Variants in QTMAN observed in about 807,000 individuals in gnomAD.
QTMAN encodes the protein tRNA-queuosine alpha-mannosyltransferase.
the QTMAN span, among the ~76,000 whole-genome samples, chr2:143,999,305 G>A: frequency 6.6e-6 from 1 of 151,900 alleles, no homozygotes; most frequent in African/African-American, 2.4e-5. Context: ...TTAAATCAGG[G>A]AAGATGTCTG....
the QTMAN span, among the ~76,000 whole-genome samples, chr2:144,259,495 C>A: frequency 6.6e-6 from 1 of 152,126 alleles, no homozygotes; most frequent in African/African-American, 2.4e-5. Context: ...GGATTTATTA[C>A]TTCCATGGCA....
the QTMAN span, among the ~76,000 whole-genome samples, chr2:143,987,521 T>G: frequency 6.6e-6 from 1 of 152,220 alleles, no homozygotes; most frequent in African/African-American, 2.4e-5. Flanking sequence ...TCTTCTGGGT[T>G]TTCACTTATT....
the QTMAN span, among the ~76,000 whole-genome samples, chr2:144,324,801 C>G: frequency 6.6e-6 from 1 of 151,220 alleles, no homozygotes; most frequent in African/African-American, 2.4e-5. Context: ...AGTAAATTCA[C>G]TTATAAGGTG....
At chr2:143,975,180 T>G in the QTMAN span, among the ~76,000 whole-genome samples, 2 of 152,348 alleles carry the variant, frequency 1.3e-5, no homozygotes, top group Non-Finnish European at 2.9e-5. Context: ...TATTCCTATA[T>G]CTGTTCTCTC....
the QTMAN span, among the ~76,000 whole-genome samples, chr2:144,156,243 T>G: frequency 6.6e-6 from 1 of 152,114 alleles, no homozygotes; most frequent in Non-Finnish European, 1.5e-5. Context: ...CTCCTTAAAT[T>G]TGGTGCTTAA....
chr2:144,031,409 A>G, the QTMAN span, among the ~76,000 whole-genome samples: 1 of 152,114 alleles, frequency 6.6e-6, no homozygotes, highest in Non-Finnish European at 1.5e-5. Context: ...TTGCTCTTGT[A>G]GACTCGAACA....
At chr2:143,971,248 T>C in the QTMAN span, among the ~76,000 whole-genome samples, 1 of 152,140 alleles carries the variant, frequency 6.6e-6, no homozygotes, top group Admixed American at 6.6e-5. Flanking sequence ...TGAGCTCCTT[T>C]GTGCCCACAA....
the QTMAN span, among the ~76,000 whole-genome samples, chr2:144,168,258 T>G: frequency 3.3e-5 from 5 of 152,316 alleles, no homozygotes; most frequent in Admixed American, 2.0e-4. Flanking sequence ...AGAAATGTCT[T>G]GGCCCTGCCA....
At chr2:144,182,786 T>TATAAATATATATTATATATATA in the QTMAN span, among the ~76,000 whole-genome samples, 1 of 16,442 alleles carries the variant, frequency 6.1e-5, no homozygotes. Flanking sequence ...TCAGGTACAT[T>TATAAATATATATTATATATATA]ATATATATAT....
At chr2:144,266,690 C>T in the QTMAN span, among the ~76,000 whole-genome samples, 1 of 152,172 alleles carries the variant, frequency 6.6e-6, no homozygotes, top group East Asian at 1.9e-4. Context: ...ATCTTAAATT[C>T]ACTTTACCTT....
the QTMAN span, among the ~76,000 whole-genome samples, chr2:144,199,570 A>G: frequency 4.6e-5 from 7 of 152,210 alleles, no homozygotes; most frequent in Non-Finnish European, 8.8e-5. Context: ...ATAAGAAGTC[A>G]TATTAGAGTG....
chr2:144,234,811 C>T, the QTMAN span, among the ~76,000 whole-genome samples: 194 of 152,186 alleles, frequency 1.3e-3, no homozygotes, highest in Middle Eastern at 6.8e-3. Flanking sequence ...TAACAAGTCA[C>T]GATCTGTGTT....
At chr2:144,176,112 A>G in the QTMAN span, among the ~76,000 whole-genome samples, 17 of 152,212 alleles carry the variant, frequency 1.1e-4, 1 homozygote, top group Non-Finnish European at 2.5e-4. Context: ...AATCTTAAAT[A>G]AATATTATCA....
the QTMAN span, among the ~76,000 whole-genome samples, chr2:144,183,250 T>G: frequency 6.6e-6 from 1 of 152,094 alleles, no homozygotes; most frequent in African/African-American, 2.4e-5. Flanking sequence ...AACCAACTTT[T>G]AAAATTTCAC....
At chr2:144,030,861 TTAA>T in the QTMAN span, among the ~76,000 whole-genome samples, 2 of 152,096 alleles carry the variant, frequency 1.3e-5, no homozygotes, top group African/African-American at 4.8e-5. Context: ...CACAATGCTG[TTAA>T]TAATTGCAGT....
At chr2:143,982,659 G>A in the QTMAN span, among the ~76,000 whole-genome samples, 4 of 151,406 alleles carry the variant, frequency 2.6e-5, no homozygotes, top group Admixed American at 6.6e-5. Context: ...TCACGAGTTC[G>A]AGAGCAGCCT....
chr2:144,133,418 TAA>T, the QTMAN span, among the ~76,000 whole-genome samples: 3 of 37,188 alleles, frequency 8.1e-5, no homozygotes, highest in South Asian at 6.1e-4. Flanking sequence ...ATATTATATA[TAA>T]TATATATAAT....
At chr2:144,264,128 T>A in the QTMAN span, among the ~76,000 whole-genome samples, 5 of 152,204 alleles carry the variant, frequency 3.3e-5, no homozygotes, top group African/African-American at 1.2e-4. Context: ...AAAATGCAGA[T>A]AATAACACCT....
the QTMAN span, among the ~76,000 whole-genome samples, chr2:144,013,169 T>TTAC: frequency 2.0e-5 from 3 of 152,186 alleles, no homozygotes; most frequent in Non-Finnish European, 4.4e-5. Flanking sequence ...AAAGTACATG[T>TTAC]TACTATATAT....
Sources: gnomAD v4.1 joint callset for allele counts (sites outside exome capture counted in the v4.1 genomes callset) on GRCh38, gnomAD v4.1.1 for gene constraint, MANE v1.5 for transcripts, NCBI Gene and HGNC (gene_info 2026-07-23, HGNC 2026-07-21) for gene names.